The following PPIL2 variants were observed in gnomAD, a reference collection of about 807,000 sequenced individuals.
The protein encoded by PPIL2 is peptidylprolyl isomerase like 2, also known as RING-type E3 ubiquitin-protein ligase PPIL2.
A neutral mutation model predicts 75.2 loss-of-function variants in PPIL2; 50 were observed. The observed-to-expected ratio is 0.66, with a 90% CI of 0.53 to 0.84. PPIL2 has a LOEUF of 0.84. Ranked by LOEUF, PPIL2 falls within the 40% of genes least tolerant of loss-of-function variation. PPIL2 has a pLI of 0.00. For synonymous variants in PPIL2, 245 were observed against 258.8 expected (o/e 0.95, Z 0.51); for missense variants, 590 against 685.0 (o/e 0.86, Z 1.55).
chr22:21,667,304 A>G (rs1353931919), intron 1 of PPIL2, among the ~76,000 whole-genome samples: 1 of 151,712 alleles, frequency 6.6e-6, no homozygotes, highest in African/African-American at 2.4e-5. Context: ...TTACAGGCAT[A>G]CGCCACCATG....
At chr22:21,672,413 T>C (rs1156883092) in intron 5 of PPIL2, 32 bp downstream of exon 5, 5 of 1,560,270 alleles carry the variant, frequency 3.2e-6, no homozygotes, top group Non-Finnish European at 4.4e-6. Context: ...TCAGTGATGC[T>C]AGTGAATGCT....
intron 15 of PPIL2, 117 bp from the exon 16 acceptor site, chr22:21,693,699 G>A (rs1231513452): frequency 9.6e-7 from 1 of 1,045,396 alleles, no homozygotes; most frequent in Non-Finnish European, 1.5e-6. Flanking sequence ...ATGCGTCCGT[G>A]GAAGCTGCAG....
At position 21,666,056 on chromosome 22, in the gene PPIL2, G is replaced by A. The variant is rs1274108244; in HGVS notation, c.-44G>A. 2 of 1,607,472 alleles carry A rather than the reference G, an allele frequency of 1.2e-6. No homozygotes were observed. The highest frequency in any genetic ancestry group is 1.7e-6 in the Non-Finnish European group (2 of 1,176,558). ...TGCGGCTCCATGGTCTGAGTTGTCA[G>A]CCGTTGTTTTTTCGTGCTCGCTAGT... On this transcript the variant is annotated 5_prime_UTR_variant, in exon 1 of 20. Coordinates refer to ENST00000398831, the MANE Select transcript of PPIL2 (RefSeq NM_014337.4).
intron 15 of PPIL2, among the ~76,000 whole-genome samples, chr22:21,691,217 T>G (rs980639759): frequency 1.1e-4 from 16 of 152,188 alleles, no homozygotes; most frequent in Admixed American, 9.8e-4. Context: ...GTGCCGAGAT[T>G]ACAGGCATGA....
chr22:21,684,921 G>T lies in PPIL2; in HGVS notation c.714+8G>T, dbSNP rs1314825031. The T allele has an allele frequency of 6.2e-7, 1 of 1,613,358 alleles. No homozygotes were observed. The highest frequency in any genetic ancestry group is 8.5e-7 in the Non-Finnish European group (1 of 1,179,548). ...GTGGACAAGCTGAACGCTGTGAGTG[G>T]CGGAGGGCACTCGGCCAAGCCCAAG... On this transcript the variant is annotated splice_region_variant and intron_variant, in intron 10 of 19. Coordinates refer to ENST00000398831, the MANE Select transcript of PPIL2 (RefSeq NM_014337.4).
intron 17 of PPIL2, 26 bp from the exon 18 acceptor site, chr22:21,694,729 G>A (rs769628084): frequency 9.9e-6 from 16 of 1,611,250 alleles, no homozygotes; most frequent in East Asian, 4.5e-5. Context: ...AGGACCTGCC[G>A]TGCACTGAGC....
At chr22:21,670,356 A>G in intron 2 of PPIL2, 2 of 1,511,138 alleles carry the variant, frequency 1.3e-6, no homozygotes, top group Non-Finnish European at 1.8e-6. Flanking sequence ...TAATGGAAGT[A>G]AAAAGTATGC....
chr22:21,699,607 C>G (rs2068043941), downstream of PPIL2: 1 of 152,668 alleles, frequency 6.6e-6, no homozygotes, highest in Non-Finnish European at 1.5e-5. Flanking sequence ...TCTAGCAGGC[C>G]AGGCGTCTTC....
chr22:21,688,756 C>T lies in PPIL2; in HGVS notation c.1046C>T (p.Pro349Leu). The change falls in exon 15 of 20, where the codon CCC becomes CTC. Residue 349 changes from proline to leucine, a missense_variant. Physicochemically the swap from Pro to Leu is moderately conservative, Grantham distance 98. Transcript: ENST00000398831. The part of the protein sequence containing the change: ...GTGGESYWGK[P>L]FKDEFRPNLS... ...GGTGGGGAGTCATACTGGGGGAAGC[C>T]CTTCAAAGACGAGTTCCGGCCCAAC... 1 of 1,614,184 alleles carries T rather than the reference C, an allele frequency of 6.2e-7. No homozygotes were observed. Among genetic ancestry groups the T allele is most frequent in the Non-Finnish European group, 8.5e-7 (1 of 1,180,012 alleles).
At chr22:21,681,898 C>T (rs997855311) in intron 7 of PPIL2, among the ~76,000 whole-genome samples, 2 of 152,228 alleles carry the variant, frequency 1.3e-5, no homozygotes, top group Admixed American at 6.5e-5. Context: ...GCGGGAAAGC[C>T]GACCTTTGCG....
At chr22:21,689,953 C>T (rs2067549553) in intron 15 of PPIL2, among the ~76,000 whole-genome samples, 1 of 152,176 alleles carries the variant, frequency 6.6e-6, no homozygotes, top group African/African-American at 2.4e-5. Flanking sequence ...GTGGCTTCGC[C>T]GTGGCCTTCT....
In PPIL2 at chr22:21,693,898, T is replaced by TG. The variant is rs749056128; in HGVS notation, c.1196+32dup. Reference sequence around the variant, plus strand: ...GTAAGGGAAGCGGCTGTGTGAAGCCTGGGGGGTCAGTGGGCTAGGTGGGTT... The same window carrying TG: ...GTAAGGGAAGCGGCTGTGTGAAGCCTGGGGGGGTCAGTGGGCTAGGTGGGTT... On this transcript the variant is annotated intron_variant, in intron 16 of 19. Transcript: ENST00000398831. The TG allele has an allele frequency of 5.0e-5, 76 of 1,526,036 alleles. No individual in the cohort carries two copies. The Middle Eastern group carries it at 5.1e-4, about 10-fold the overall frequency. The allele number at this position is 1,526,036 out of a possible 1,614,324, so 94.5% of individuals were successfully genotyped here. A position where few individuals can be genotyped will look rare whatever the true frequency, so the allele number is the denominator to read the frequency against.
downstream of PPIL2, chr22:21,698,361 A>G (rs1188225046): frequency 2.0e-5 from 3 of 152,310 alleles, no homozygotes; most frequent in African/African-American, 7.2e-5. Context: ...GCCCAAATAG[A>G]AGGAGCAGCG....
intron 10 of PPIL2, among the ~76,000 whole-genome samples, chr22:21,686,209 C>T (rs537467422): frequency 1.3e-4 from 20 of 152,196 alleles, no homozygotes; most frequent in Non-Finnish European, 2.5e-4. Context: ...CCATACACTC[C>T]TAACCCTGAG....
Position 21,696,652 on chromosome 22 carries a change from G to C in PPIL2, c.*1162G>C. 1 of 1,522,342 alleles carries C rather than the reference G, an allele frequency of 6.6e-7. No homozygotes were observed. Among genetic ancestry groups the C allele is most frequent in the Non-Finnish European group, 8.8e-7 (1 of 1,139,576 alleles). The allele number at this position is 1,522,342 out of a possible 1,614,324, so 94.3% of individuals were successfully genotyped here. A position where few individuals can be genotyped will look rare whatever the true frequency, so the allele number is the denominator to read the frequency against. ...CTCTTGGGCTCCCTGTTGCCCTCAG[G>C]CCACCCCCCACTTCTAGTTCTTCAC... On this transcript the variant is annotated 3_prime_UTR_variant, in exon 20 of 20. Transcript: ENST00000398831.
At position 21,670,670 on chromosome 22, in the gene PPIL2, T is replaced by TG. The variant is rs1453058083; in HGVS notation, c.128+60dup. ...ATTGTTCTCTGATCCTGTCTGATAGTGAATCTGCCCCTTGTGGATGTGGGG... is the reference window on the plus strand; with the variant it reads ...ATTGTTCTCTGATCCTGTCTGATAGTGGAATCTGCCCCTTGTGGATGTGGGG... On this transcript the variant is annotated intron_variant, in intron 3 of 19. Coordinates refer to ENST00000398831, the MANE Select transcript of PPIL2 (RefSeq NM_014337.4). 9.2e-6 allele frequency: 14 copies of TG among 1,516,988 alleles called. No homozygotes were observed. In the African/African-American group the frequency reaches 1.9e-4, roughly 21 times the overall value. 94.0% of individuals were successfully genotyped at this position (1,516,988 alleles called of 1,614,324 possible). A position where few individuals can be genotyped will look rare whatever the true frequency, so the allele number is the denominator to read the frequency against.
chr22:21,683,148 G>A (rs747973057), intron 8 of PPIL2, 34 bp from the exon 9 acceptor site: 5 of 1,576,938 alleles, frequency 3.2e-6, no homozygotes, highest in Non-Finnish European at 3.5e-6. Context: ...CGTAGGCTGG[G>A]TTCACTCTGC....
chr22:21,688,657 C>T (rs1259502080), intron 14 of PPIL2, 75 bp from the exon 15 acceptor site: 16 of 1,433,638 alleles, frequency 1.1e-5, no homozygotes, highest in South Asian at 3.5e-5. Flanking sequence ...TGATGCCCCT[C>T]GGGACTCTGA....
intron 1 of PPIL2, among the ~76,000 whole-genome samples, chr22:21,666,532 C>T (rs1308114726): frequency 6.6e-6 from 1 of 152,156 alleles, no homozygotes; most frequent in African/African-American, 2.4e-5. Flanking sequence ...CAAACCAGGT[C>T]GGGCGCAGTG....
Sources: gnomAD v4.1 joint callset for allele counts (sites outside exome capture counted in the v4.1 genomes callset) on GRCh38, gnomAD v4.1.1 for gene constraint, MANE v1.5 for transcripts, NCBI Gene and HGNC (gene_info 2026-07-23, HGNC 2026-07-21) for gene names.